Variants in SLC44A5 observed in about 807,000 individuals in gnomAD.
SLC44A5 encodes the protein solute carrier family 44 member 5.
Under a neutral mutation model 101.8 loss-of-function variants are expected in SLC44A5, and 57 were observed. The observed-to-expected ratio is 0.56, with a 90% CI of 0.45 to 0.70. The LOEUF (loss-of-function observed/expected upper bound fraction) is 0.70, where lower values mean the gene tolerates loss of function less well. Ranked by LOEUF, SLC44A5 falls within the 30% of genes least tolerant of loss-of-function variation. SLC44A5 has a pLI of 0.00. For missense variants in SLC44A5, 737 were observed against 853.1 expected, an observed-to-expected ratio of 0.86 and a Z score of 1.70; for synonymous variants, 281 against 290.9, an observed-to-expected ratio of 0.97 and a Z score of 0.35.
chr1:75,421,197 AAAAATAT>A (rs2101559275), intron 2 of SLC44A5, among the ~76,000 whole-genome samples: 1 of 152,224 alleles, frequency 6.6e-6, no homozygotes, highest in South Asian at 2.1e-4. Flanking sequence ...TAGTATGTAT[AAAAATAT>A]ACCTAAAATC....
At chr1:75,497,329 T>C (rs2101828636) in intron 2 of SLC44A5, among the ~76,000 whole-genome samples, 1 of 152,184 alleles carries the variant, frequency 6.6e-6, no homozygotes, top group African/African-American at 2.4e-5. Context: ...TCCTGCCATT[T>C]GTTACAATGT....
At chr1:75,647,171 G>A in the SLC44A5 span, among the ~76,000 whole-genome samples, 1 of 152,170 alleles carries the variant, frequency 6.6e-6, no homozygotes, top group Non-Finnish European at 1.5e-5. Context: ...CTGCATCTCA[G>A]CCATGGCTAA....
chr1:75,404,692 A>G (rs937563357), intron 2 of SLC44A5, among the ~76,000 whole-genome samples: 2 of 152,232 alleles, frequency 1.3e-5, no homozygotes, highest in African/African-American at 4.8e-5. Context: ...GAGTTCCTGA[A>G]GGAAGCACTA....
At chr1:75,525,312 A>G (rs1299844537) in intron 2 of SLC44A5, among the ~76,000 whole-genome samples, 3 of 152,198 alleles carry the variant, frequency 2.0e-5, no homozygotes, top group Admixed American at 6.5e-5. Context: ...ACCTGGCATT[A>G]TATGCCTTCT....
intron 2 of SLC44A5, among the ~76,000 whole-genome samples, chr1:75,529,873 G>A (rs542810682): frequency 6.6e-6 from 1 of 152,172 alleles, no homozygotes; most frequent in African/African-American, 2.4e-5. Context: ...AATTTCTCCT[G>A]CAAGGGCAGG....
chr1:75,683,438 G>T, the SLC44A5 span, among the ~76,000 whole-genome samples: 1 of 151,690 alleles, frequency 6.6e-6, no homozygotes, highest in Non-Finnish European at 1.5e-5. Context: ...AAAAAATGAT[G>T]AGTTCATGTC....
chr1:75,668,315 CTTTTTTTTTTT>C, the SLC44A5 span, among the ~76,000 whole-genome samples: 51 of 65,102 alleles, frequency 7.8e-4, 1 homozygote, highest in African/African-American at 2.7e-3. Flanking sequence ...TCCTAGGAGC[CTTTTTTTTTTT>C]TTTTTTTTTT....
chr1:75,711,979 T>C, the SLC44A5 span, among the ~76,000 whole-genome samples: 1 of 152,248 alleles, frequency 6.6e-6, no homozygotes, highest in East Asian at 1.9e-4. Context: ...ACTCTAGTTC[T>C]GGATTATGCT....
intron 3 of SLC44A5, among the ~76,000 whole-genome samples, chr1:75,342,907 T>C (rs569892385): frequency 1.3e-5 from 2 of 152,302 alleles, no homozygotes; most frequent in East Asian, 3.9e-4. Flanking sequence ...TGATTCTGTA[T>C]AGTAATGACA....
intron 2 of SLC44A5, among the ~76,000 whole-genome samples, chr1:75,462,729 A>G (rs1666573064): frequency 6.6e-6 from 1 of 152,118 alleles, no homozygotes; most frequent in African/African-American, 2.4e-5. Flanking sequence ...TGGAGCTGAA[A>G]AGTGCAATTG....
chr1:75,641,980 A>T, the SLC44A5 span: 1 of 1,552,594 alleles, frequency 6.4e-7, no homozygotes, highest in Non-Finnish European at 8.9e-7. Context: ...GTGGAGAATC[A>T]TCTTCCTCCT....
chr1:75,328,588 C>T (rs539128688), intron 4 of SLC44A5, among the ~76,000 whole-genome samples: 57 of 152,296 alleles, frequency 3.7e-4, no homozygotes, highest in African/African-American at 1.2e-3. Context: ...ATGGCAACTA[C>T]GACTTCTAAG....
intron 12 of SLC44A5, among the ~76,000 whole-genome samples, chr1:75,232,623 A>G (rs1415090228): frequency 6.6e-6 from 1 of 152,112 alleles, no homozygotes; most frequent in Non-Finnish European, 1.5e-5. Context: ...ATTTACTAAA[A>G]ACTCATTGGA....
chr1:75,535,979 C>G (rs902594088), intron 2 of SLC44A5, among the ~76,000 whole-genome samples: 1 of 145,008 alleles, frequency 6.9e-6, no homozygotes, highest in African/African-American at 2.6e-5. Flanking sequence ...GAGGCGGAGG[C>G]GGGAGGATTG....
intron 5 of SLC44A5, among the ~76,000 whole-genome samples, chr1:75,282,073 T>G (rs1429703173): frequency 6.6e-6 from 1 of 152,180 alleles, no homozygotes; most frequent in Non-Finnish European, 1.5e-5. Flanking sequence ...AGACACTCAA[T>G]GCCAGCCAGT....
At chr1:75,431,226 A>G (rs1664595370) in intron 2 of SLC44A5, among the ~76,000 whole-genome samples, 1 of 152,220 alleles carries the variant, frequency 6.6e-6, no homozygotes. Flanking sequence ...GGGCCTCAAT[A>G]TATTATCAAG....
chr1:75,489,538 T>TA (rs1205776808), intron 2 of SLC44A5, among the ~76,000 whole-genome samples: 2 of 152,204 alleles, frequency 1.3e-5, no homozygotes, highest in South Asian at 2.1e-4. Context: ...CGTAAGTCCT[T>TA]AAAAAATCAG....
chr1:75,632,383 T>C, the SLC44A5 span, among the ~76,000 whole-genome samples: 1 of 99,314 alleles, frequency 1.0e-5, no homozygotes, highest in African/African-American at 5.5e-5. Flanking sequence ...AGCTACTTCT[T>C]TTTTTTTTTG....
At chr1:75,543,324 ACT>A (rs1671454415) in intron 1 of SLC44A5, among the ~76,000 whole-genome samples, 1 of 151,546 alleles carries the variant, frequency 6.6e-6, no homozygotes, top group South Asian at 2.1e-4. Context: ...TGCCTGGAGT[ACT>A]CTCTCACTCC....
Sources: allele counts gnomAD v4.1 joint callset (sites outside exome capture counted in the v4.1 genomes callset), GRCh38; gene constraint gnomAD v4.1.1; transcripts MANE v1.5; gene names NCBI Gene and HGNC (gene_info 2026-07-23, HGNC 2026-07-21).